Variants in SMC6 observed in about 807,000 individuals in gnomAD.
SMC6 encodes structural maintenance of chromosomes protein 6.
A neutral mutation model predicts 142.2 loss-of-function variants in SMC6; 79 were observed. The observed-to-expected ratio is 0.56, with a 90% CI of 0.46 to 0.67. The LOEUF (loss-of-function observed/expected upper bound fraction) is 0.67, where lower values mean the gene tolerates loss of function less well. SMC6 is among the 30% of genes least tolerant of loss of function. The pLI is 0.00. For synonymous variants in SMC6, 411 were observed against 412.4 expected, an observed-to-expected ratio of 1.00 and a Z score of 0.04; for missense variants, 1,072 against 1,284.0, an observed-to-expected ratio of 0.83 and a Z score of 2.52.
chr2:17,751,045 C>T (rs1671004530), intron 2 of SMC6, among the ~76,000 whole-genome samples: 2 of 140,996 alleles, frequency 1.4e-5, no homozygotes, highest in Admixed American at 1.4e-4. Context: ...TCTAATGTTA[C>T]TATTAAAGTC....
At chr2:17,695,692 T>A (rs1200036500) in intron 22 of SMC6, among the ~76,000 whole-genome samples, 1 of 152,210 alleles carries the variant, frequency 6.6e-6, no homozygotes, top group Non-Finnish European at 1.5e-5. Flanking sequence ...GGGTAAAGAA[T>A]ACAAGGCACT....
chr2:17,737,834 A>G (rs547735104), intron 5 of SMC6, among the ~76,000 whole-genome samples: 1 of 152,346 alleles, frequency 6.6e-6, no homozygotes, highest in Admixed American at 6.5e-5. Context: ...TTGGCTGGTC[A>G]CTGATTTTGC....
intron 3 of SMC6, among the ~76,000 whole-genome samples, chr2:17,742,638 G>A (rs571198450): frequency 3.5e-4 from 53 of 151,874 alleles, no homozygotes; most frequent in African/African-American, 1.2e-3. Flanking sequence ...AAAACTCCCC[G>A]GCTCTCTTCT....
intron 19 of SMC6, 83 bp downstream of exon 19, chr2:17,703,072 GGA>G: frequency 1.2e-6 from 1 of 843,614 alleles, no homozygotes. Flanking sequence ...AGAATTGCTT[GGA>G]GTCAATAATG....
At chr2:17,727,538 CAT>C (rs1669691892) in intron 7 of SMC6, among the ~76,000 whole-genome samples, 1 of 151,290 alleles carries the variant, frequency 6.6e-6, no homozygotes, top group Non-Finnish European at 1.5e-5. Flanking sequence ...CACACACACA[CAT>C]ATATGTAAAA....
At chr2:17,704,287 A>G (rs913802001) in intron 18 of SMC6, among the ~76,000 whole-genome samples, 3 of 152,218 alleles carry the variant, frequency 2.0e-5, no homozygotes, top group African/African-American at 7.2e-5. Flanking sequence ...AAAGGCACAG[A>G]GAGTGATTAA....
At chr2:17,725,792 T>G (rs972214469) in intron 8 of SMC6, among the ~76,000 whole-genome samples, 4 of 152,104 alleles carry the variant, frequency 2.6e-5, no homozygotes, top group Admixed American at 6.5e-5. Flanking sequence ...TTTAAAATTT[T>G]TAATAGTTTA....
At chr2:17,717,321 C>T in intron 12 of SMC6, 145 bp from the exon 13 acceptor site, 3 of 545,714 alleles carry the variant, frequency 5.5e-6, no homozygotes, top group Non-Finnish European at 9.4e-6. Context: ...GAAACCATTA[C>T]ATTTTTTAAA....
At chr2:17,747,189 T>G (rs1670794974) in intron 2 of SMC6, among the ~76,000 whole-genome samples, 1 of 152,140 alleles carries the variant, frequency 6.6e-6, no homozygotes, top group Admixed American at 6.5e-5. Context: ...TTCTCCTAGT[T>G]GGCTAGTATC....
At chr2:17,752,915 C>T (rs538316425) in intron 2 of SMC6, 63 bp downstream of exon 2, 1 of 621,720 alleles carries the variant, frequency 1.6e-6, no homozygotes, top group South Asian at 7.1e-5. Flanking sequence ...TAAGCGCTCA[C>T]AAAACTTCTG....
chr2:17,739,081 G>A (rs1252158927), intron 4 of SMC6, among the ~76,000 whole-genome samples: 1 of 152,018 alleles, frequency 6.6e-6, no homozygotes, highest in Non-Finnish European at 1.5e-5. Context: ...ATGAACTTAA[G>A]TAGAAAAAAA....
intron 2 of SMC6, among the ~76,000 whole-genome samples, chr2:17,751,153 A>G (rs955968888): frequency 9.2e-5 from 14 of 152,080 alleles, no homozygotes; most frequent in Non-Finnish European, 1.6e-4. Flanking sequence ...CAGGTTTGGC[A>G]AGTAGGGAGA....
chr2:17,713,721 C>A, intron 16 of SMC6: 1 of 316,466 alleles, frequency 3.2e-6, no homozygotes, highest in Non-Finnish European at 6.6e-6. Context: ...TTGATTTTGC[C>A]CAAATCTCTG....
chr2:17,670,926 A>G (rs1219342957), intron 25 of SMC6, among the ~76,000 whole-genome samples: 4 of 152,158 alleles, frequency 2.6e-5, no homozygotes, highest in African/African-American at 9.6e-5. Context: ...CAATGGTGTG[A>G]TCTTGGCTCA....
At chr2:17,726,014 A>C (rs888240760) in intron 8 of SMC6, among the ~76,000 whole-genome samples, 2 of 129,868 alleles carry the variant, frequency 1.5e-5, no homozygotes, top group Non-Finnish European at 3.1e-5. Context: ...CTTAAACCTG[A>C]GGGGTGGAGG....
rs1390686891 is a variant in SMC6, at chr2:17,715,010, T to C, written c.1581A>G (p.Leu527=). The C allele has an allele frequency of 1.9e-6, 3 of 1,614,024 alleles. No homozygotes were observed. In the Admixed American group the frequency reaches 5.0e-5, roughly 27 times the overall value. ...PELALAIESC[L]KGLLQAYCCH... is the part of the protein sequence containing the mutation. Reference sequence around the variant, plus strand: ...AACAATAGGCCTGCAGAAGCCCTTTTAAGCAAGATTCAATAGCCAAAGCAA... The same window carrying C: ...AACAATAGGCCTGCAGAAGCCCTTTCAAGCAAGATTCAATAGCCAAAGCAA... The change falls in exon 16 of 28, where the codon TTA becomes TTG. Residue 527 remains leucine (L), a synonymous_variant. Coordinates refer to ENST00000448223, the MANE Select transcript of SMC6 (RefSeq NM_001142286.2).
At chr2:17,704,606 G>A in intron 18 of SMC6, among the ~76,000 whole-genome samples, 1 of 152,158 alleles carries the variant, frequency 6.6e-6, no homozygotes, top group East Asian at 1.9e-4. Flanking sequence ...ATTCCACTAA[G>A]ATGAATATTT....
chr2:17,736,606 G>A (rs182993181), intron 5 of SMC6, among the ~76,000 whole-genome samples: 295 of 152,168 alleles, frequency 1.9e-3, no homozygotes, highest in African/African-American at 6.5e-3. Context: ...TGAGTGTGGT[G>A]GCTCACACCT....
At position 17,701,830 on chromosome 2, in the gene SMC6, A is replaced by G; in HGVS notation, c.2222T>C (p.Leu741Ser). 3 of 1,543,934 alleles carry G rather than the reference A, an allele frequency of 1.9e-6. No homozygotes were observed. The highest frequency in any genetic ancestry group is 2.6e-6 in the Non-Finnish European group (3 of 1,136,862). The change falls in exon 20 of 28, where the codon TTG becomes TCG. Residue 741 changes from leucine (L) to serine (S), a missense_variant and splice_region_variant. Physicochemically the swap from Leu to Ser is moderately radical, Grantham distance 145 (BLOSUM62 -2). Coordinates refer to ENST00000448223, the MANE Select transcript of SMC6 (RefSeq NM_001142286.2). Reference sequence around the variant, plus strand: ...TTAAATTGAAAAAAAGTATTTTACCAAAGTTGCAATATCTACAGACTGGTG... The same window carrying G: ...TTAAATTGAAAAAAAGTATTTTACCGAAGTTGCAATATCTACAGACTGGTG... ...EEHQSVDIAT[L>S]EDEAQENKSK...
Sources: allele counts gnomAD v4.1 joint callset (sites outside exome capture counted in the v4.1 genomes callset), GRCh38; gene constraint gnomAD v4.1.1; transcripts MANE v1.5; gene names NCBI Gene and HGNC (gene_info 2026-07-23, HGNC 2026-07-21).